The following SMOC1 variants were observed in gnomAD, a reference collection of about 807,000 sequenced individuals.
SMOC1 encodes the protein SPARC-related modular calcium-binding protein 1.
A neutral mutation model predicts 56.3 loss-of-function variants in SMOC1; 22 were observed. The ratio of observed to expected loss-of-function variants is 0.39; its 90% CI spans 0.28 to 0.56. The LOEUF is 0.56. SMOC1 is among the 20% of genes least tolerant of loss of function. The pLI, the probability that SMOC1 is intolerant of heterozygous loss-of-function variation, is 0.61. For missense variants in SMOC1, 509 were observed against 565.4 expected (o/e 0.90, Z 1.01); for synonymous variants, 193 against 215.0 (o/e 0.90, Z 0.89).
At chr14:70,003,703 T>A (rs560872783) in intron 7 of SMOC1, among the ~76,000 whole-genome samples, 19 of 152,262 alleles carry the variant, frequency 1.2e-4, no homozygotes, top group African/African-American at 4.1e-4. Context: ...GAAGTCAGGG[T>A]ACCGAGGACA....
intron 1 of SMOC1, among the ~76,000 whole-genome samples, chr14:69,919,603 T>C (rs1203563032): frequency 6.6e-6 from 1 of 152,212 alleles, no homozygotes; most frequent in Non-Finnish European, 1.5e-5. Context: ...CCATAATTGG[T>C]AGCCTTGTGA....
chr14:69,884,470 G>A (rs1046873448), intron 1 of SMOC1, among the ~76,000 whole-genome samples: 3 of 152,058 alleles, frequency 2.0e-5, no homozygotes, highest in Non-Finnish European at 2.9e-5. Flanking sequence ...AATTTCATTT[G>A]TCTATTTTTG....
chr14:69,879,861 GA>G, intron 1 of SMOC1, 84 bp downstream of exon 1: 1 of 1,237,056 alleles, frequency 8.1e-7, no homozygotes. Flanking sequence ...GGAGGAGGGG[GA>G]AGAGAGATGT....
intron 9 of SMOC1, 59 bp downstream of exon 9, chr14:70,011,626 A>C: frequency 2.0e-6 from 3 of 1,467,228 alleles, no homozygotes; most frequent in Non-Finnish European, 2.9e-6. Context: ...CCACCCTCTC[A>C]TTATGCAGAA....
chr14:70,010,687 G>T (rs1885302254), intron 7 of SMOC1, 67 bp from the exon 8 acceptor site: 2 of 1,555,128 alleles, frequency 1.3e-6, no homozygotes, highest in African/African-American at 2.7e-5. Context: ...TTGGATGCTG[G>T]GCACAGAAGA....
At chr14:69,952,796 C>A (rs1240969003) in intron 2 of SMOC1, among the ~76,000 whole-genome samples, 1 of 152,206 alleles carries the variant, frequency 6.6e-6, no homozygotes, top group Non-Finnish European at 1.5e-5. Context: ...TCCTACAAAG[C>A]AACACATGGC....
intron 3 of SMOC1, among the ~76,000 whole-genome samples, chr14:69,968,860 A>T (rs1158226068): frequency 3.3e-5 from 5 of 152,204 alleles, no homozygotes; most frequent in South Asian, 4.1e-4. Flanking sequence ...CATATGGTTC[A>T]TGATTTCTAT....
rs762898826 is a variant in SMOC1 at position 70,011,453 on chromosome 14, T to TCCCAACCCCC, written c.858-27_858-18dup. On this transcript the variant is annotated intron_variant, in intron 8 of 11. Transcript: ENST00000361956. ...TGAAGTAGGCTCAGTTGCCAGCCCC[T>TCCCAACCCCC]CCCAACCCCCCCCATATCTCTCTTT... is the stretch of plus-strand genomic sequence containing the variant. 1.3e-5 allele frequency: 11 copies of TCCCAACCCCC among 875,902 alleles called. No homozygotes were observed. The South Asian group carries it at 1.4e-4, about 11-fold the overall frequency. The allele number at this position is 875,902 out of a possible 1,614,324, so 54.3% of individuals were successfully genotyped here.
chr14:69,997,626 G>T (rs1057042777), intron 7 of SMOC1, among the ~76,000 whole-genome samples: 1 of 152,042 alleles, frequency 6.6e-6, no homozygotes, highest in African/African-American at 2.4e-5. Flanking sequence ...TACCATAAAT[G>T]ATTTTTTAAA....
At chr14:69,907,332 C>CT (rs1442908431) in intron 1 of SMOC1, among the ~76,000 whole-genome samples, 1 of 152,194 alleles carries the variant, frequency 6.6e-6, no homozygotes, top group Non-Finnish European at 1.5e-5. Flanking sequence ...TAGATATCAT[C>CT]TTTTTGCCTC....
intron 5 of SMOC1, among the ~76,000 whole-genome samples, chr14:69,985,287 C>T (rs554041943): frequency 2.6e-5 from 4 of 152,104 alleles, no homozygotes; most frequent in East Asian, 3.8e-4. Context: ...TCTCATACAT[C>T]GCTGGCAAGA....
chr14:69,944,097 T>G (rs1882687773), intron 1 of SMOC1, among the ~76,000 whole-genome samples: 1 of 152,350 alleles, frequency 6.6e-6, no homozygotes, highest in Admixed American at 6.5e-5. Context: ...ATCTGGGCAC[T>G]GGGGATGCAG....
chr14:69,951,687 C>T (rs891388430), intron 1 of SMOC1, among the ~76,000 whole-genome samples: 4 of 152,172 alleles, frequency 2.6e-5, no homozygotes, highest in African/African-American at 9.7e-5. Flanking sequence ...ATAGAGGCTG[C>T]ATGGCCATCT....
Position 70,025,577 on chromosome 14 carries a change from T to C in SMOC1, c.1291+2130T>C, listed in dbSNP as rs8007828. Among the ~76,000 whole-genome samples the C allele has an allele frequency of 7.7e-3, 1,173 of 152,330 alleles. 18 individuals are homozygous for C. The highest frequency in any genetic ancestry group is 0.027 in the African/African-American group (1,103 of 41,578). On this transcript the variant is annotated intron_variant, in intron 11 of 11. Coordinates refer to ENST00000361956, the MANE Select transcript of SMOC1 (RefSeq NM_001034852.3). ...CTCTGTCCCGGCCTCGCTCTTTCACTACATGCGGCTTGAGTGTCCCTTATC... is the reference window on the plus strand; with the variant it reads ...CTCTGTCCCGGCCTCGCTCTTTCACCACATGCGGCTTGAGTGTCCCTTATC...
intron 1 of SMOC1, among the ~76,000 whole-genome samples, chr14:69,921,219 C>T (rs957361337): frequency 6.6e-6 from 1 of 152,174 alleles, no homozygotes. Context: ...ACTCCACAGC[C>T]CCCAGCGCCG....
At chr14:69,938,668 C>A (rs1380047077) in intron 1 of SMOC1, among the ~76,000 whole-genome samples, 1 of 152,104 alleles carries the variant, frequency 6.6e-6, no homozygotes, top group Non-Finnish European at 1.5e-5. Flanking sequence ...GAGGGACAAG[C>A]AGTGTCCATG....
At chr14:69,974,252 C>A (rs1883879164) in intron 3 of SMOC1, among the ~76,000 whole-genome samples, 1 of 151,814 alleles carries the variant, frequency 6.6e-6, no homozygotes, top group South Asian at 2.1e-4. Flanking sequence ...ATTTTGGGGG[C>A]CCCAGGGTGT....
At chr14:69,930,438 A>G (rs1051626959) in intron 1 of SMOC1, among the ~76,000 whole-genome samples, 1 of 152,172 alleles carries the variant, frequency 6.6e-6, no homozygotes, top group African/African-American at 2.4e-5. Context: ...TTTGTGCAAC[A>G]TTATGTTTAA....
intron 1 of SMOC1, among the ~76,000 whole-genome samples, chr14:69,921,770 T>C (rs1189815794): frequency 6.6e-6 from 1 of 152,238 alleles, no homozygotes; most frequent in East Asian, 1.9e-4. Flanking sequence ...CCAATGCTTC[T>C]TATGTGTTCC....
Sources: gnomAD v4.1 joint callset for allele counts (sites outside exome capture counted in the v4.1 genomes callset) on GRCh38, gnomAD v4.1.1 for gene constraint, MANE v1.5 for transcripts, NCBI Gene and HGNC (gene_info 2026-07-23, HGNC 2026-07-21) for gene names.